The following TRAPPC9 variants were observed in gnomAD, a reference collection of about 807,000 sequenced individuals.
The protein encoded by TRAPPC9 is IKK2 binding protein.
Under a neutral mutation model 124.0 loss-of-function variants are expected in TRAPPC9, and 83 were observed. That is an observed-to-expected ratio of 0.67 (90% CI 0.56 to 0.80). TRAPPC9 has a LOEUF of 0.80. Ranked by LOEUF, TRAPPC9 falls within the 30% of genes least tolerant of loss-of-function variation. The probability of loss-of-function intolerance (pLI) is 0.00; values close to 1 mark genes in which losing one functional copy is unlikely to be tolerated. For synonymous variants in TRAPPC9, 638 were observed against 617.5 expected (o/e 1.03, Z -0.49); for missense variants, 1,302 against 1,508.3 (o/e 0.86, Z 2.27).
At chr8:140,356,183 T>C (rs747359808) in intron 9 of TRAPPC9, among the ~76,000 whole-genome samples, 23 of 152,228 alleles carry the variant, frequency 1.5e-4, no homozygotes, top group Non-Finnish European at 2.4e-4. Flanking sequence ...AATACATGAA[T>C]GCTATTAATA....
chr8:140,096,409 C>T (rs1163663199), intron 17 of TRAPPC9: 1 of 152,174 alleles, frequency 6.6e-6, no homozygotes, highest in African/African-American at 2.4e-5. Flanking sequence ...GAAAACAAAA[C>T]AGACTGCAGA....
chr8:139,809,424 C>T (rs978891452), intron 21 of TRAPPC9, among the ~76,000 whole-genome samples: 8 of 152,178 alleles, frequency 5.3e-5, no homozygotes, highest in African/African-American at 1.4e-4. Context: ...CAAGAGCCAC[C>T]GGGCAACTTC....
chr8:139,731,961 T>C lies in TRAPPC9; in HGVS notation c.3279+18A>G, dbSNP rs1355844645. The C allele has an allele frequency of 3.9e-6, 6 of 1,558,388 alleles. No homozygotes were observed. In the East Asian group the frequency reaches 1.4e-4, roughly 37 times the overall value. ...CATGGCCAGAGGCTCCCAGACCGCC[T>C]TGCACACCACCACGCACCGCGTCGA... On this transcript the variant is annotated intron_variant, in intron 22 of 22. Coordinates refer to ENST00000438773, the MANE Select transcript of TRAPPC9 (RefSeq NM_001160372.4).
intron 8 of TRAPPC9, among the ~76,000 whole-genome samples, chr8:140,365,730 T>G (rs1242316247): frequency 1.3e-5 from 2 of 152,268 alleles, no homozygotes; most frequent in Admixed American, 1.3e-4. Flanking sequence ...ACAATCACCT[T>G]TTGTGAACAA....
At chr8:140,157,518 T>C (rs1397417114) in intron 17 of TRAPPC9, among the ~76,000 whole-genome samples, 1 of 152,180 alleles carries the variant, frequency 6.6e-6, no homozygotes, top group Non-Finnish European at 1.5e-5. Context: ...AGCAGAACAA[T>C]GAGATTCCAT....
intron 9 of TRAPPC9, among the ~76,000 whole-genome samples, chr8:140,348,201 A>T (rs117107949): frequency 0.017 from 2,535 of 152,324 alleles, 47 homozygotes; most frequent in Middle Eastern, 0.027. Context: ...AGACCACTTC[A>T]TTCACATCAC....
chr8:140,085,315 T>C (rs1294726324), intron 17 of TRAPPC9, among the ~76,000 whole-genome samples: 1 of 145,202 alleles, frequency 6.9e-6, no homozygotes, highest in South Asian at 2.2e-4. Flanking sequence ...CATAAGTATG[T>C]TTGCAGAAAG....
chr8:140,029,147 G>T (rs188729388), intron 17 of TRAPPC9, among the ~76,000 whole-genome samples: 20 of 152,232 alleles, frequency 1.3e-4, no homozygotes, highest in African/African-American at 4.6e-4. Flanking sequence ...ATTACCAAAA[G>T]GAATCAAGGA....
At chr8:139,752,257 C>A (rs1300302919) in intron 21 of TRAPPC9, among the ~76,000 whole-genome samples, 1 of 150,956 alleles carries the variant, frequency 6.6e-6, no homozygotes, top group Non-Finnish European at 1.5e-5. Flanking sequence ...CACCCATCTA[C>A]CATCCATCCA....
intron 17 of TRAPPC9, among the ~76,000 whole-genome samples, chr8:140,062,656 T>C (rs1037024704): frequency 2.6e-5 from 4 of 152,166 alleles, no homozygotes; most frequent in Non-Finnish European, 5.9e-5. Context: ...CCTGCTTTCC[T>C]GTCCACTTGC....
intron 9 of TRAPPC9, among the ~76,000 whole-genome samples, chr8:140,352,117 A>G (rs1588200777): frequency 6.6e-6 from 1 of 151,836 alleles, no homozygotes; most frequent in East Asian, 2.1e-4. Context: ...ATCATAAAAC[A>G]TGTGTGTGGA....
chr8:139,960,161 C>T (rs918800218), intron 19 of TRAPPC9, among the ~76,000 whole-genome samples: 3 of 152,192 alleles, frequency 2.0e-5, no homozygotes, highest in Non-Finnish European at 4.4e-5. Context: ...AATATAACCC[C>T]GTCTGGCCTC....
chr8:139,940,555 G>A (rs568278802), intron 19 of TRAPPC9, among the ~76,000 whole-genome samples: 6 of 152,344 alleles, frequency 3.9e-5, no homozygotes, highest in East Asian at 3.9e-4. Context: ...CGTGGAGAGC[G>A]GCAGCCCCAG....
intron 19 of TRAPPC9, among the ~76,000 whole-genome samples, chr8:139,972,932 T>C (rs1836198216): frequency 6.6e-6 from 1 of 152,166 alleles, no homozygotes; most frequent in African/African-American, 2.4e-5. Context: ...GTCCAGGGGC[T>C]CGGCTGAAGC....
chr8:140,210,361 C>T (rs1404229311), intron 17 of TRAPPC9, among the ~76,000 whole-genome samples: 1 of 152,240 alleles, frequency 6.6e-6, no homozygotes, highest in Non-Finnish European at 1.5e-5. Flanking sequence ...GAGGAAACTC[C>T]AGGCGCAGGG....
At chr8:140,081,300 C>A (rs952125204) in intron 17 of TRAPPC9, among the ~76,000 whole-genome samples, 1 of 151,638 alleles carries the variant, frequency 6.6e-6, no homozygotes, top group African/African-American at 2.4e-5. Flanking sequence ...TCTCTTTATT[C>A]TCAGTATTTT....
chr8:139,972,051 C>G (rs916220150), intron 19 of TRAPPC9, among the ~76,000 whole-genome samples: 3 of 152,120 alleles, frequency 2.0e-5, no homozygotes, highest in African/African-American at 7.2e-5. Flanking sequence ...ATCTCGAACT[C>G]CTGACCTCAA....
intron 11 of TRAPPC9, among the ~76,000 whole-genome samples, chr8:140,291,503 C>G (rs144593495): frequency 7.4e-4 from 113 of 152,344 alleles, no homozygotes; most frequent in African/African-American, 2.5e-3. Context: ...TTCTCCTCCC[C>G]ACCCACTCCC....
intron 17 of TRAPPC9, among the ~76,000 whole-genome samples, chr8:140,024,358 C>T (rs939330973): frequency 1.6e-4 from 25 of 151,826 alleles, no homozygotes; most frequent in South Asian, 2.1e-4. Context: ...TACATGCAAA[C>T]GGAAAGGGCT....
Sources: gnomAD v4.1 joint callset for allele counts (sites outside exome capture counted in the v4.1 genomes callset) on GRCh38, gnomAD v4.1.1 for gene constraint, MANE v1.5 for transcripts, NCBI Gene and HGNC (gene_info 2026-07-23, HGNC 2026-07-21) for gene names.